Variants in NEGR1 observed in about 807,000 individuals in gnomAD.
NEGR1 encodes neuronal growth regulator 1, also known as IgLON family member 4.
NEGR1 carries 10 observed loss-of-function variants against 40.9 expected under a neutral mutation model. The observed-to-expected ratio is 0.24, with a 90% confidence interval of 0.15 to 0.42. The LOEUF (loss-of-function observed/expected upper bound fraction) is 0.42, where lower values mean the gene tolerates loss of function less well. NEGR1 is among the 10% of genes least tolerant of loss of function. The pLI, the probability that NEGR1 is intolerant of heterozygous loss-of-function variation, is 1.00. For missense variants in NEGR1, 352 were observed against 438.9 expected (o/e 0.80, Z 1.77); for synonymous variants, 185 against 166.8 (o/e 1.11, Z -0.84).
At chr1:71,520,259 C>T (rs1212349930) in intron 6 of NEGR1, among the ~76,000 whole-genome samples, 2 of 152,064 alleles carry the variant, frequency 1.3e-5, no homozygotes, top group African/African-American at 4.8e-5. Context: ...GTGTCTGCCA[C>T]AGACTAATTG....
At chr1:71,996,236 T>C (rs1646503722) in intron 1 of NEGR1, among the ~76,000 whole-genome samples, 1 of 152,156 alleles carries the variant, frequency 6.6e-6, no homozygotes, top group South Asian at 2.1e-4. Flanking sequence ...TAAAACATAC[T>C]TTCTATCTCT....
Position 71,579,430 on chromosome 1 carries a change from G to A in NEGR1, c.940+13387C>T, listed in dbSNP as rs533503851. Among the ~76,000 whole-genome samples, 3 of 152,198 alleles carry A rather than the reference G, an allele frequency of 2.0e-5. No individual in the cohort carries two copies. The East Asian group carries it at 5.8e-4, about 29-fold the overall frequency. ...GGCATATAGATAATAAACTTAATAA[G>A]TGAAAAATGCTGAAGTTTTAAGATT... is the stretch of plus-strand genomic sequence containing the variant. On this transcript the variant is annotated intron_variant, in intron 6 of 6. Coordinates refer to ENST00000357731, the MANE Select transcript of NEGR1 (RefSeq NM_173808.3).
chr1:71,748,527 T>TG (rs1213007324), intron 3 of NEGR1, among the ~76,000 whole-genome samples: 1 of 152,174 alleles, frequency 6.6e-6, no homozygotes, highest in African/African-American at 2.4e-5. Context: ...GAGACCTTAT[T>TG]AATGACCTAT....
intron 1 of NEGR1, among the ~76,000 whole-genome samples, chr1:71,945,188 A>G (rs954812787): frequency 2.0e-5 from 3 of 152,158 alleles, no homozygotes; most frequent in Non-Finnish European, 4.4e-5. Context: ...ACCTGGGCCA[A>G]GTTAATTTAC....
At chr1:71,657,435 T>C (rs1014594258) in intron 4 of NEGR1, among the ~76,000 whole-genome samples, 50 of 152,334 alleles carry the variant, frequency 3.3e-4, no homozygotes, top group African/African-American at 1.2e-3. Context: ...TTTATGTCCC[T>C]ATGAAACCAA....
chr1:71,585,611 G>T (rs577375484), intron 6 of NEGR1, among the ~76,000 whole-genome samples: 4 of 150,300 alleles, frequency 2.7e-5, no homozygotes, highest in Non-Finnish European at 4.4e-5. Flanking sequence ...CCAGTAGCTT[G>T]AAGATGCCAC....
chr1:71,943,359 A>G lies in NEGR1; in HGVS notation c.177-8048T>C, dbSNP rs1165296027. ...CATTTATATATATACATATATATGT[A>G]TATATAACATTTTAAATGCCTGGGA... On this transcript the variant is annotated intron_variant, in intron 1 of 6. Coordinates refer to ENST00000357731, the MANE Select transcript of NEGR1 (RefSeq NM_173808.3). Among the ~76,000 whole-genome samples, 2 of 150,970 alleles carry G rather than the reference A, an allele frequency of 1.3e-5. 1 individual carries two copies.
chr1:71,448,303 T>A (rs1015983696), intron 6 of NEGR1, among the ~76,000 whole-genome samples: 4 of 150,116 alleles, frequency 2.7e-5, no homozygotes, highest in African/African-American at 9.8e-5. Context: ...AAGTTATTGG[T>A]AAGAAGTGGC....
At chr1:71,524,536 A>G (rs957989911) in intron 6 of NEGR1, among the ~76,000 whole-genome samples, 5 of 151,748 alleles carry the variant, frequency 3.3e-5, no homozygotes, top group Non-Finnish European at 2.9e-5. Flanking sequence ...GAATATTGGA[A>G]AAATTCAAGG....
At chr1:72,028,537 C>A (rs1331791633) in intron 1 of NEGR1, among the ~76,000 whole-genome samples, 1 of 152,190 alleles carries the variant, frequency 6.6e-6, no homozygotes, top group Non-Finnish European at 1.5e-5. Flanking sequence ...CCCCTACCTA[C>A]CTCTGCTCAC....
chr1:72,274,567 G>C (rs1415743459), intron 1 of NEGR1: 2 of 762,662 alleles, frequency 2.6e-6, no homozygotes, highest in Non-Finnish European at 4.9e-6. Context: ...ACTTTACAGT[G>C]AGTCTTTGGC....
At chr1:72,250,011 T>C (rs186394736) in intron 1 of NEGR1, among the ~76,000 whole-genome samples, 87 of 152,336 alleles carry the variant, frequency 5.7e-4, no homozygotes, top group Non-Finnish European at 9.7e-4. Flanking sequence ...GTCTAGATTT[T>C]GCTGTGAAGA....
At chr1:71,704,163 TCACA>T (rs3077140) in intron 3 of NEGR1, among the ~76,000 whole-genome samples, 18,935 of 142,080 alleles carry the variant, frequency 0.13, 1,588 homozygotes, top group African/African-American at 0.25. Flanking sequence ...TCTCTCTCTG[TCACA>T]CACACACACA....
intron 2 of NEGR1, among the ~76,000 whole-genome samples, chr1:71,844,940 T>C (rs1659356714): frequency 6.6e-6 from 1 of 152,150 alleles, no homozygotes; most frequent in Non-Finnish European, 1.5e-5. Context: ...GTGCCTTCTA[T>C]AGGAGTTCAG....
intron 1 of NEGR1, among the ~76,000 whole-genome samples, chr1:72,059,270 G>A (rs1028913731): frequency 1.3e-5 from 2 of 151,338 alleles, no homozygotes; most frequent in African/African-American, 4.9e-5. Context: ...TGCATCCAAC[G>A]CCACAAAGTT....
At chr1:71,845,169 T>C (rs543819720) in intron 2 of NEGR1, among the ~76,000 whole-genome samples, 1 of 152,320 alleles carries the variant, frequency 6.6e-6, no homozygotes, top group African/African-American at 2.4e-5. Context: ...TGTGTTAATT[T>C]CTACATAGCG....
intron 1 of NEGR1, among the ~76,000 whole-genome samples, chr1:71,992,044 C>G (rs1406588550): frequency 1.5e-4 from 23 of 152,124 alleles, no homozygotes; most frequent in Admixed American, 1.5e-3. Flanking sequence ...ATCTGCCCTC[C>G]TTGGCCTCCC....
At chr1:71,882,096 G>A (rs1247959972) in intron 2 of NEGR1, among the ~76,000 whole-genome samples, 1 of 146,614 alleles carries the variant, frequency 6.8e-6, no homozygotes, top group African/African-American at 2.4e-5. Context: ...CAAGAGTGCT[G>A]TTATCTCACA....
At chr1:71,586,924 T>C (rs551398902) in intron 6 of NEGR1, among the ~76,000 whole-genome samples, 2 of 152,236 alleles carry the variant, frequency 1.3e-5, no homozygotes, top group South Asian at 4.1e-4. Context: ...AAATATTTAT[T>C]ACCAGAGCAC....
Sources: gnomAD v4.1 joint callset for allele counts (sites outside exome capture counted in the v4.1 genomes callset) on GRCh38, gnomAD v4.1.1 for gene constraint, MANE v1.5 for transcripts, NCBI Gene and HGNC (gene_info 2026-07-23, HGNC 2026-07-21) for gene names.